SNTG1: variants seen among roughly 807,000 people sequenced by gnomAD.
SNTG1 encodes syntrophin gamma 1.
SNTG1 carries 39 observed loss-of-function variants against 74.7 expected under a neutral mutation model. The observed-to-expected ratio is 0.52, with a 90% confidence interval of 0.40 to 0.68. SNTG1 has a LOEUF of 0.68. Among genes scored for constraint, SNTG1 ranks in the 30% least tolerant of loss-of-function variants. SNTG1 has a pLI of 0.00. For missense variants in SNTG1, 685 were observed against 609.5 expected (o/e 1.12, Z -1.30); for synonymous variants, 254 against 217.1 (o/e 1.17, Z -1.49).
intron 2 of SNTG1, among the ~76,000 whole-genome samples, chr8:50,330,111 TGTG>T (rs1471895790): frequency 3.3e-5 from 5 of 152,118 alleles, no homozygotes; most frequent in Non-Finnish European, 7.4e-5. Context: ...AATCCCCAAA[TGTG>T]GTGGGACTCA....
At chr8:50,519,483 A>T (rs750213317) in intron 9 of SNTG1, among the ~76,000 whole-genome samples, 7 of 152,096 alleles carry the variant, frequency 4.6e-5, no homozygotes, top group Non-Finnish European at 8.8e-5. Flanking sequence ...AAAAATAAAG[A>T]TATTCAAATA....
intron 2 of SNTG1, among the ~76,000 whole-genome samples, chr8:50,230,672 G>A (rs1300316112): frequency 6.6e-6 from 1 of 151,174 alleles, no homozygotes; most frequent in Admixed American, 6.6e-5. Context: ...TTTAATAAAC[G>A]TTGTAGAGAA....
intron 8 of SNTG1, among the ~76,000 whole-genome samples, chr8:50,496,082 T>G (rs570747268): frequency 1.3e-5 from 2 of 152,228 alleles, no homozygotes; most frequent in Non-Finnish European, 2.9e-5. Context: ...AGCCTAGTTA[T>G]TTTATCTGTA....
At chr8:50,270,769 T>C (rs941173360) in intron 2 of SNTG1, among the ~76,000 whole-genome samples, 4 of 152,198 alleles carry the variant, frequency 2.6e-5, no homozygotes, top group African/African-American at 9.6e-5. Context: ...TAGCACATAT[T>C]GATTCTGAGT....
chr8:50,250,123 A>G (rs1160055820), intron 2 of SNTG1, among the ~76,000 whole-genome samples: 1 of 151,992 alleles, frequency 6.6e-6, no homozygotes, highest in Non-Finnish European at 1.5e-5. Flanking sequence ...AAAGAGATAG[A>G]TACTATAAAA....
chr8:50,640,567 A>G (rs937752836), intron 13 of SNTG1, among the ~76,000 whole-genome samples: 1 of 152,088 alleles, frequency 6.6e-6, no homozygotes, highest in African/African-American at 2.4e-5. Context: ...ATCCAATTCC[A>G]CCATCCACGA....
intron 4 of SNTG1, among the ~76,000 whole-genome samples, chr8:50,425,829 T>C (rs1331976290): frequency 6.6e-6 from 1 of 152,150 alleles, no homozygotes; most frequent in Non-Finnish European, 1.5e-5. Context: ...GGAAAACACT[T>C]AGGAGATGCA....
In SNTG1 at chr8:50,359,405, C is replaced by G. The variant is rs1261674649; in HGVS notation, c.-27-34807C>G. 3.9e-5 allele frequency among the ~76,000 whole-genome samples: 6 copies of G among 152,276 alleles called. No homozygotes were observed. In the East Asian group the frequency reaches 7.7e-4, roughly 20 times the overall value. ...TATACAGTCTACTTTCTGGGACTGC[C>G]CATTGTAAACCGCTGGCATTTAAGT... On this transcript the variant is annotated intron_variant, in intron 2 of 18. Transcript: ENST00000642720.
rs542299158 is a variant in SNTG1 at position 50,699,522 on chromosome 8, C to A, written c.1039-5078C>A. On this transcript the variant is annotated intron_variant, in intron 15 of 18. Transcript: ENST00000642720. Reference sequence around the variant, plus strand: ...TAGTCAGCCATCTTGAAAAAAAAACCTGTTGTTTCTTTGTAATATTGCTTT... The same window carrying A: ...TAGTCAGCCATCTTGAAAAAAAAACATGTTGTTTCTTTGTAATATTGCTTT... 2.4e-4 allele frequency among the ~76,000 whole-genome samples: 36 copies of A among 151,978 alleles called. No individual in the cohort carries two copies. In the South Asian group the frequency reaches 7.5e-3, roughly 32 times the overall value.
At chr8:50,413,923 T>C (rs895148018) in intron 4 of SNTG1, among the ~76,000 whole-genome samples, 3 of 152,224 alleles carry the variant, frequency 2.0e-5, no homozygotes, top group Non-Finnish European at 2.9e-5. Context: ...TATCCTATTT[T>C]ATATTTGCCT....
chr8:50,634,791 C>A (rs367953207), intron 13 of SNTG1, among the ~76,000 whole-genome samples: 3 of 152,320 alleles, frequency 2.0e-5, no homozygotes, highest in East Asian at 3.9e-4. Flanking sequence ...TGAACATTTG[C>A]AGCCCCACCC....
chr8:50,256,127 C>A (rs146621300), intron 2 of SNTG1, among the ~76,000 whole-genome samples: 1 of 152,010 alleles, frequency 6.6e-6, no homozygotes, highest in Admixed American at 6.6e-5. Flanking sequence ...TTCTCTTCAC[C>A]GACATAGCAG....
chr8:50,264,339 G>A (rs184512654), intron 2 of SNTG1, among the ~76,000 whole-genome samples: 94 of 152,112 alleles, frequency 6.2e-4, no homozygotes, highest in South Asian at 2.5e-3. Flanking sequence ...AGGCTGAGGC[G>A]GGAAGATCGT....
chr8:50,668,917 T>C (rs1453777981), intron 15 of SNTG1, among the ~76,000 whole-genome samples: 2 of 152,052 alleles, frequency 1.3e-5, no homozygotes, highest in Non-Finnish European at 2.9e-5. Flanking sequence ...ACTTTGCAAT[T>C]GTAAATAGTG....
intron 2 of SNTG1, among the ~76,000 whole-genome samples, chr8:50,235,030 G>A (rs1294839928): frequency 1.3e-5 from 2 of 152,074 alleles, no homozygotes. Flanking sequence ...AAGAATCAAG[G>A]TTAGCTTGGT....
intron 2 of SNTG1, among the ~76,000 whole-genome samples, chr8:50,293,153 G>C (rs1312880345): frequency 6.6e-6 from 1 of 152,140 alleles, no homozygotes; most frequent in Non-Finnish European, 1.5e-5. Flanking sequence ...TGTCTGCTAG[G>C]GTTATCATAG....
intron 2 of SNTG1, among the ~76,000 whole-genome samples, chr8:50,358,913 G>A (rs550951707): frequency 5.9e-5 from 9 of 152,156 alleles, no homozygotes; most frequent in South Asian, 2.1e-4. Flanking sequence ...GTAAGTTAAC[G>A]CACGGTTTGA....
At chr8:50,708,827 C>A in intron 16 of SNTG1, 59 bp from the exon 17 acceptor site, 3 of 1,117,348 alleles carry the variant, frequency 2.7e-6, no homozygotes, top group South Asian at 2.6e-5. Context: ...TAACATAGTT[C>A]ATAATATTGA....
Position 49,919,997 on chromosome 8 carries a change from C to T in SNTG1, c.-103+7766C>T, listed in dbSNP as rs561329385. On this transcript the variant is annotated intron_variant, in intron 1 of 18. Transcript: ENST00000642720. ...TCAGATTGTGGTAGTTTGTCCAATT[C>T]ATTAACTTCATAAATTAACTTTATT... 5.8e-4 allele frequency among the ~76,000 whole-genome samples: 89 copies of T among 152,196 alleles called. 1 individual carries two copies. The South Asian group carries it at 0.018, about 30-fold the overall frequency.
Sources: gnomAD v4.1 joint callset for allele counts (sites outside exome capture counted in the v4.1 genomes callset) on GRCh38, gnomAD v4.1.1 for gene constraint, MANE v1.5 for transcripts, NCBI Gene and HGNC (gene_info 2026-07-23, HGNC 2026-07-21) for gene names.